IER5L: variants seen among roughly 807,000 people sequenced by gnomAD.
The protein encoded by IER5L is immediate early response 5 like, also known as immediate early response gene 5-like protein.
Under a neutral mutation model 28.3 loss-of-function variants are expected in IER5L, and 6 were observed. The ratio of observed to expected loss-of-function variants is 0.21; its 90% CI spans 0.12 to 0.42. IER5L has a LOEUF of 0.42. Ranked by LOEUF, IER5L falls within the 10% of genes least tolerant of loss-of-function variation. IER5L has a pLI of 1.00. For synonymous variants in IER5L, 351 were observed against 282.5 expected, an observed-to-expected ratio of 1.24 and a Z score of -2.43; for missense variants, 607 against 575.2, an observed-to-expected ratio of 1.06 and a Z score of -0.56.
In IER5L at chr9:129,177,570, C is replaced by T; in HGVS notation, c.483G>A (p.Ala161=). 7 of 980,408 alleles carry T rather than the reference C, an allele frequency of 7.1e-6. No homozygotes were observed. Among genetic ancestry groups the T allele is most frequent in the Non-Finnish European group, 8.4e-6 (7 of 828,790 alleles). 60.7% of individuals were successfully genotyped at this position (980,408 alleles called of 1,614,324 possible). A position where few individuals can be genotyped will look rare whatever the true frequency, so the allele number is the denominator to read the frequency against. The change falls in exon 1 of 1, where the codon GCG becomes GCA. Residue 161 remains alanine (A), a synonymous_variant. Transcript: ENST00000372491. ...GGGGCGCGCCGTGCGGCGGCTGGAGCGCGGCGCACCCGGGCAGCTCCGAGA... is the reference window on the plus strand; with the variant it reads ...GGGGCGCGCCGTGCGGCGGCTGGAGTGCGGCGCACCCGGGCAGCTCCGAGA... ...GALSELPGCA[A]LQPPHGAPHR...
Position 129,177,470 on chromosome 9 carries a change from C to T in IER5L, c.583G>A (p.Ala195Thr), listed in dbSNP as rs1445453902. ...LPLPLPPPAP[A>T]ALCPRDPRAP... ...CGAGGGTCCCGCGGGCAGAGCGCAG[C>T]GGGCGCGGGCGGCGGCAGCGGCAGC... The change falls in exon 1 of 1, where the codon GCT becomes ACT. Residue 195 changes from alanine to threonine, a missense_variant. Ala to Thr is a moderately conservative substitution (Grantham distance 58). Transcript: ENST00000372491. 2 of 996,836 alleles carry T rather than the reference C, an allele frequency of 2.0e-6. No individual in the cohort carries two copies. Among genetic ancestry groups the T allele is most frequent in the East Asian group, 1.1e-4 (1 of 9,484 alleles). The allele number at this position is 996,836 out of a possible 1,614,324, so 61.7% of individuals were successfully genotyped here.
rs754537722 is a variant in IER5L at position 129,176,852 on chromosome 9, T to C, written c.1201A>G (p.Ile401Val). 7.5e-6 allele frequency: 12 copies of C among 1,594,806 alleles called. No homozygotes were observed. The highest frequency in any genetic ancestry group is 1.0e-5 in the Non-Finnish European group (12 of 1,172,812). Reference protein sequence around the residue: ...LASLGAWTRAIVAF With the variant: ...LASLGAWTRAVVAF Reference sequence around the variant, plus strand: ...CTCGGGGGTCCCTAGAAGGCGACAATGGCTCGAGTCCAGGCGCCGAGGCTG... The same window carrying C: ...CTCGGGGGTCCCTAGAAGGCGACAACGGCTCGAGTCCAGGCGCCGAGGCTG... Residue 401 changes from isoleucine (I) to valine (V), a missense_variant, in exon 1 of 1, where the codon ATT (isoleucine) becomes GTT (valine). Ile to Val is a conservative substitution (Grantham distance 29). Coordinates refer to ENST00000372491, the MANE Select transcript of IER5L (RefSeq NM_203434.3).
chr9:129,178,227 G>T lies in IER5L; in HGVS notation c.-175C>A. On this transcript the variant is annotated 5_prime_UTR_variant, in exon 1 of 1. Transcript: ENST00000372491. ...ACCATGCGCCGCGCGCCACCCGCGG[G>T]CTCGCGCTCCCCAGACGGCGCCAAA... The T allele has an allele frequency of 2.0e-6, 1 of 493,774 alleles. No individual in the cohort carries two copies. Among genetic ancestry groups the T allele is most frequent in the Non-Finnish European group, 3.3e-6 (1 of 303,374 alleles). The allele number at this position is 493,774 out of a possible 1,614,324, so 30.6% of individuals were successfully genotyped here. A position where few individuals can be genotyped will look rare whatever the true frequency, so the allele number is the denominator to read the frequency against.
Position 129,177,628 on chromosome 9 carries a change from G to A in IER5L, c.425C>T (p.Ala142Val). 1.2e-5 allele frequency: 14 copies of A among 1,153,502 alleles called. No homozygotes were observed. The highest frequency in any genetic ancestry group is 5.0e-5 in the Admixed American group (1 of 20,000). The allele number at this position is 1,153,502 out of a possible 1,614,324, so 71.5% of individuals were successfully genotyped here. Residue 142 changes from alanine (A) to valine (V), a missense_variant, in exon 1 of 1, where the codon GCG becomes GTG. Ala to Val is a moderately conservative substitution (Grantham distance 64). Coordinates refer to ENST00000372491, the MANE Select transcript of IER5L (RefSeq NM_203434.3). ...PAPRGCAAAA[A>V]AGAPAGGAGA... The stretch of plus-strand genomic sequence containing the variant: ...CGCGCCGCCCGCGGGCGCTCCGGCC[G>A]CCGCCGCCGCCGCGCAGCCCCTGGG...
Position 129,178,247 on chromosome 9 carries a change from G to A in IER5L, c.-195C>T, listed in dbSNP as rs1341381944. ...CGCGGGCTCGCGCTCCCCAGACGGC[G>A]CCAAAGCAATGAGTCTCGGCCGGCC... On this transcript the variant is annotated 5_prime_UTR_variant, in exon 1 of 1. Coordinates refer to ENST00000372491, the MANE Select transcript of IER5L (RefSeq NM_203434.3). 1.6e-5 allele frequency: 7 copies of A among 446,574 alleles called. No homozygotes were observed. The highest frequency in any genetic ancestry group is 6.3e-5 in the South Asian group (1 of 15,846). 27.7% of individuals were successfully genotyped at this position (446,574 alleles called of 1,614,324 possible).
chr9:129,177,552 G>A lies in IER5L; in HGVS notation c.501C>T (p.Gly167=). Reference sequence around the variant, plus strand: ...CCAAGGGCTGCCCGCGGTGGGGCGCGCCGTGCGGCGGCTGGAGCGCGGCGC... The same window carrying A: ...CCAAGGGCTGCCCGCGGTGGGGCGCACCGTGCGGCGGCTGGAGCGCGGCGC... The part of the protein sequence containing the change: ...PGCAALQPPH[G]APHRGQPLEP... Residue 167 remains glycine, a synonymous_variant, in exon 1 of 1, where the codon GGC becomes GGT. Transcript: ENST00000372491. 4 of 981,648 alleles carry A rather than the reference G, an allele frequency of 4.1e-6. No individual in the cohort carries two copies. Among genetic ancestry groups the A allele is most frequent in the Non-Finnish European group, 4.8e-6 (4 of 828,796 alleles). 60.8% of individuals were successfully genotyped at this position (981,648 alleles called of 1,614,324 possible).
chr9:129,178,053 G>C lies in IER5L; in HGVS notation c.-1C>G, dbSNP rs778849074. 7.0e-7 allele frequency: 1 copy of C among 1,433,264 alleles called. No homozygotes were observed. Among genetic ancestry groups the C allele is most frequent in the South Asian group, 1.5e-5 (1 of 67,984 alleles). 88.8% of individuals were successfully genotyped at this position (1,433,264 alleles called of 1,614,324 possible). On this transcript the variant is annotated 5_prime_UTR_variant, in exon 1 of 1. Coordinates refer to ENST00000372491, the MANE Select transcript of IER5L (RefSeq NM_203434.3). ...TCTGGGCGTCCAGGGCGCACTCCATGCTCCCGCGGAGACGGCGGCGGAGCA... is the reference window on the plus strand; with the variant it reads ...TCTGGGCGTCCAGGGCGCACTCCATCCTCCCGCGGAGACGGCGGCGGAGCA...
chr9:129,177,206 G>A lies in IER5L; in HGVS notation c.847C>T (p.Pro283Ser), dbSNP rs543581354. ...HQDCCASAHCPCCGQGAPGPG... is the reference protein window; with the variant it reads ...HQDCCASAHCSCCGQGAPGPG... ...CCCGGAGCGCCCTGGCCACAGCAGG[G>A]GCAGTGGGCGGAGGCGCAGCAGTCC... Residue 283 changes from proline (P) to serine (S), a missense_variant, in exon 1 of 1, where the codon CCC becomes TCC. Physicochemically the swap from Pro to Ser is moderately conservative, Grantham distance 74. Transcript: ENST00000372491. 2.2e-5 allele frequency: 32 copies of A among 1,475,282 alleles called. No individual in the cohort carries two copies. In the South Asian group the frequency reaches 2.5e-4, roughly 12 times the overall value. 91.4% of individuals were successfully genotyped at this position (1,475,282 alleles called of 1,614,324 possible). A position where few individuals can be genotyped will look rare whatever the true frequency, so the allele number is the denominator to read the frequency against.
rs1394956705 is a variant in IER5L, at chr9:129,176,081, G to C, written c.*757C>G. On this transcript the variant is annotated 3_prime_UTR_variant, in exon 1 of 1. Transcript: ENST00000372491. ...GTGCCCGCCCCCCACCCCTTACCCAGTGTCCGAGAGTGTCGGGGTGTCAGG... is the reference window on the plus strand; with the variant it reads ...GTGCCCGCCCCCCACCCCTTACCCACTGTCCGAGAGTGTCGGGGTGTCAGG... 1 of 76,592 alleles carries C rather than the reference G, an allele frequency of 1.3e-5. No homozygotes were observed. Among genetic ancestry groups the C allele is most frequent in the Non-Finnish European group, 2.7e-5 (1 of 36,836 alleles). The allele number at this position is 76,592 out of a possible 1,614,324, so 4.7% of individuals were successfully genotyped here. A position where few individuals can be genotyped will look rare whatever the true frequency, so the allele number is the denominator to read the frequency against.
At position 129,177,384 on chromosome 9, in the gene IER5L, C is replaced by A. The variant is rs890745926; in HGVS notation, c.669G>T (p.Pro223=). ...AGGAGGCGGGGGCCGGGGAGGCGGG[C>A]GGAGAAGCGGCGGCGGCCGGAGGGG... The part of the protein sequence containing the change: ...GAAPPAAAAS[P]PASPAPASSP... The change falls in exon 1 of 1, where the codon CCG becomes CCT. Residue 223 remains proline, a synonymous_variant. Transcript: ENST00000372491. 3 of 1,273,968 alleles carry A rather than the reference C, an allele frequency of 2.4e-6. No individual in the cohort carries two copies. Among genetic ancestry groups the A allele is most frequent in the Non-Finnish European group, 2.0e-6 (2 of 1,010,392 alleles). 78.9% of individuals were successfully genotyped at this position (1,273,968 alleles called of 1,614,324 possible).
chr9:129,176,725 AGCTCAGCCCCGAGTGGCCCGGC>A lies in IER5L; in HGVS notation c.*91_*112del. The stretch of plus-strand genomic sequence containing the variant: ...CAGCCGCCTGCCCCCGCTCGCCCCC[AGCTCAGCCCCGAGTGGCCCGGC>A]GCCCGCTCGTTCCCTCCTCTCGCCC... On this transcript the variant is annotated 3_prime_UTR_variant, in exon 1 of 1. Coordinates refer to ENST00000372491, the MANE Select transcript of IER5L (RefSeq NM_203434.3). 1 of 1,315,992 alleles carries A rather than the reference AGCTCAGCCCCGAGTGGCCCGGC, an allele frequency of 7.6e-7. No individual in the cohort carries two copies. The highest frequency in any genetic ancestry group is 1.6e-5 in the African/African-American group (1 of 64,218). The allele number at this position is 1,315,992 out of a possible 1,614,324, so 81.5% of individuals were successfully genotyped here. A position where few individuals can be genotyped will look rare whatever the true frequency, so the allele number is the denominator to read the frequency against.
rs551518858 is a variant in IER5L, at chr9:129,178,228, C to A, written c.-176G>T. 1,028 of 487,518 alleles carry A rather than the reference C, an allele frequency of 2.1e-3. 3 individuals carry two copies. Among genetic ancestry groups the A allele is most frequent in the Non-Finnish European group, 3.0e-3 (888 of 297,184 alleles). 30.2% of individuals were successfully genotyped at this position (487,518 alleles called of 1,614,324 possible). ...CCATGCGCCGCGCGCCACCCGCGGG[C>A]TCGCGCTCCCCAGACGGCGCCAAAG... is the stretch of plus-strand genomic sequence containing the variant. On this transcript the variant is annotated 5_prime_UTR_variant, in exon 1 of 1. Coordinates refer to ENST00000372491, the MANE Select transcript of IER5L (RefSeq NM_203434.3).
rs2131663443 is a variant in IER5L at position 129,178,168 on chromosome 9, T to C, written c.-116A>G. The C allele has an allele frequency of 1.1e-6, 1 of 884,844 alleles. No individual in the cohort carries two copies. The allele number at this position is 884,844 out of a possible 1,614,324, so 54.8% of individuals were successfully genotyped here. The stretch of plus-strand genomic sequence containing the variant: ...CCGGGCAGGGGTAACGGAGTCCGGG[T>C]CAGAGGTTCGGCTGCGCTCCGAAAG... On this transcript the variant is annotated 5_prime_UTR_variant, in exon 1 of 1. An upstream open reading frame in the 5' UTR loses its in-frame stop. Coordinates refer to ENST00000372491, the MANE Select transcript of IER5L (RefSeq NM_203434.3).
rs767723096 is a variant in IER5L, at chr9:129,176,952, C to T, written c.1101G>A (p.Leu367=). 2 of 1,604,194 alleles carry T rather than the reference C, an allele frequency of 1.2e-6. No individual in the cohort carries two copies. The highest frequency in any genetic ancestry group is 1.4e-5 in the African/African-American group (1 of 73,868). The part of the protein sequence containing the change: ...ISIFGSGFSG[L]VSRQPDSSEQ... ...CCGAGGAGTCCGGCTGTCGGCTCAC[C>T]AGCCCCGAGAAGCCGGAGCCAAAGA... Residue 367 remains leucine (L), a synonymous_variant, in exon 1 of 1, where the codon CTG becomes CTA. Transcript: ENST00000372491.
chr9:129,177,215 C>T lies in IER5L; in HGVS notation c.838G>A (p.Ala280Thr). The change falls in exon 1 of 1, where the codon GCC becomes ACC. Residue 280 changes from alanine to threonine, a missense_variant. Physicochemically the swap from Ala to Thr is moderately conservative, Grantham distance 58. Transcript: ENST00000372491. ...CCCTGGCCACAGCAGGGGCAGTGGG[C>T]GGAGGCGCAGCAGTCCTGGTGCAAG... ...GYLHQDCCASAHCPCCGQGAP... is the reference protein window; with the variant it reads ...GYLHQDCCASTHCPCCGQGAP... 6.8e-7 allele frequency: 1 copy of T among 1,471,520 alleles called. No homozygotes were observed. Among genetic ancestry groups the T allele is most frequent in the Non-Finnish European group, 8.9e-7 (1 of 1,119,964 alleles). 91.2% of individuals were successfully genotyped at this position (1,471,520 alleles called of 1,614,324 possible).
rs746874982 is a variant in IER5L at position 129,176,980 on chromosome 9, G to C, written c.1073C>G (p.Ser358Cys). 1.2e-6 allele frequency: 2 copies of C among 1,602,794 alleles called. No homozygotes were observed. Among genetic ancestry groups the C allele is most frequent in the Middle Eastern group, 1.7e-4 (1 of 6,030 alleles). ...CCCCGAGAAGCCGGAGCCAAAGATG[G>C]AGATCAAGTTTGAGATGTTGGACGC... is the stretch of plus-strand genomic sequence containing the variant. ...PDASNISNLI[S>C]IFGSGFSGLV... Residue 358 changes from serine (S) to cysteine (C), a missense_variant, in exon 1 of 1, where the codon TCC (serine) becomes TGC (cysteine). Transcript: ENST00000372491.
rs1049935582 is a variant in IER5L at position 129,178,128 on chromosome 9, G to A, written c.-76C>T. The A allele has an allele frequency of 5.5e-6, 7 of 1,262,150 alleles. No individual in the cohort carries two copies. The African/African-American group carries it at 7.9e-5, about 14-fold the overall frequency. 78.2% of individuals were successfully genotyped at this position (1,262,150 alleles called of 1,614,324 possible). On this transcript the variant is annotated 5_prime_UTR_variant, in exon 1 of 1. Coordinates refer to ENST00000372491, the MANE Select transcript of IER5L (RefSeq NM_203434.3). ...GCTTCTGCTGTTTCTGCCTCCAGCC[G>A]GCCGCCGGGGCGCGCCGGGCAGGGG...
At position 129,175,617 on chromosome 9, in the gene IER5L, T is replaced by C. The variant is rs993231583; in HGVS notation, c.*1221A>G. 2 of 152,124 alleles carry C rather than the reference T, an allele frequency of 1.3e-5. No individual in the cohort carries two copies. Among genetic ancestry groups the C allele is most frequent in the African/African-American group, 4.8e-5 (2 of 41,384 alleles). 9.4% of individuals were successfully genotyped at this position (152,124 alleles called of 1,614,324 possible). The stretch of plus-strand genomic sequence containing the variant: ...ATCTGAACAGTTTTACCCGGTGATA[T>C]ACAATTCAGTATGCACAAAAATACA... On this transcript the variant is annotated 3_prime_UTR_variant, in exon 1 of 1. Transcript: ENST00000372491. The surrounding 1 kb of genome is among the most constrained non-coding windows in gnomAD (Gnocchi z 5.2).
rs1330288870 is a variant in IER5L, at chr9:129,177,084, G to A, written c.969C>T (p.Ala323=). 6.8e-7 allele frequency: 1 copy of A among 1,471,504 alleles called. No individual in the cohort carries two copies. The highest frequency in any genetic ancestry group is 9.0e-7 in the Non-Finnish European group (1 of 1,112,560). 91.2% of individuals were successfully genotyped at this position (1,471,504 alleles called of 1,614,324 possible). A position where few individuals can be genotyped will look rare whatever the true frequency, so the allele number is the denominator to read the frequency against. ...CGAACGGGGCGCCCCCGGGGGGCTC[G>A]GCCCCCAGCCCGCCCGCATCCTCCT... The part of the protein sequence containing the change: ...DDEEDAGGLG[A]EPPGGAPFAP... The change falls in exon 1 of 1, where the codon GCC becomes GCT. Residue 323 remains alanine, a synonymous_variant. Coordinates refer to ENST00000372491, the MANE Select transcript of IER5L (RefSeq NM_203434.3).
Sources: allele counts gnomAD v4.1 joint callset, GRCh38; gene constraint gnomAD v4.1.1; non-coding constraint Gnocchi (gnomAD v3.1); transcripts MANE v1.5; gene names NCBI Gene and HGNC (gene_info 2026-07-23, HGNC 2026-07-21).